The following MAGI2 variants were observed in gnomAD, a reference collection of about 807,000 sequenced individuals.
MAGI2 encodes membrane-associated guanylate kinase, WW and PDZ domain-containing protein 2.
MAGI2 carries 35 observed loss-of-function variants against 133.3 expected under a neutral mutation model. The observed-to-expected ratio is 0.26, with a 90% CI of 0.20 to 0.35. The LOEUF is 0.35. Among genes scored for constraint, MAGI2 ranks in the 10% least tolerant of loss-of-function variants. MAGI2 has a pLI of 1.00. For missense variants in MAGI2, 1,636 were observed against 1,863.4 expected (o/e 0.88, Z 2.25); for synonymous variants, 729 against 710.6 (o/e 1.03, Z -0.41).
At chr7:78,737,726 T>A (rs1236965383) in intron 2 of MAGI2, among the ~76,000 whole-genome samples, 1 of 152,174 alleles carries the variant, frequency 6.6e-6, no homozygotes, top group Non-Finnish European at 1.5e-5. Flanking sequence ...AATATAGTTA[T>A]GTCTCATAAA....
chr7:78,085,533 A>G (rs1200417080), intron 20 of MAGI2, among the ~76,000 whole-genome samples: 1 of 143,338 alleles, frequency 7.0e-6, no homozygotes, highest in Non-Finnish European at 1.5e-5. Context: ...CTAAAACAAA[A>G]CAAAATAATA....
chr7:78,282,498 G>GTGTAGCCCA (rs1424839863), intron 9 of MAGI2, among the ~76,000 whole-genome samples: 2 of 152,014 alleles, frequency 1.3e-5, no homozygotes, highest in Non-Finnish European at 2.9e-5. Flanking sequence ...ATCAGAGACC[G>GTGTAGCCCA]TGTAGCCCAT....
chr7:78,635,979 T>A (rs980219182), intron 2 of MAGI2, among the ~76,000 whole-genome samples: 3 of 152,174 alleles, frequency 2.0e-5, no homozygotes, highest in African/African-American at 7.2e-5. Flanking sequence ...ATCGTTTGGG[T>A]CACTGAATTG....
At chr7:79,397,176 A>G (rs1845121889) in intron 1 of MAGI2, among the ~76,000 whole-genome samples, 1 of 149,144 alleles carries the variant, frequency 6.7e-6, no homozygotes, top group Admixed American at 6.7e-5. Flanking sequence ...TATTATATAT[A>G]TATGTTATTT....
intron 3 of MAGI2, among the ~76,000 whole-genome samples, chr7:78,529,667 GGTTTTT>G (rs1797276717): frequency 1.1e-4 from 6 of 56,316 alleles, no homozygotes; most frequent in African/African-American, 3.2e-4. Flanking sequence ...TAAAGGAGAT[GGTTTTT>G]TTTTTTTTTT....
chr7:78,520,473 A>G (rs925708224), intron 4 of MAGI2, among the ~76,000 whole-genome samples: 1 of 152,144 alleles, frequency 6.6e-6, no homozygotes, highest in Non-Finnish European at 1.5e-5. Flanking sequence ...AATAAGAAAT[A>G]TCTTAAGAAT....
intron 1 of MAGI2, among the ~76,000 whole-genome samples, chr7:79,283,330 A>G (rs1835785589): frequency 6.6e-6 from 1 of 152,160 alleles, no homozygotes; most frequent in East Asian, 1.9e-4. Flanking sequence ...AATTTCTCAA[A>G]CAATAATAAA....
intron 1 of MAGI2, among the ~76,000 whole-genome samples, chr7:79,386,474 C>T (rs1447136201): frequency 6.6e-6 from 1 of 151,862 alleles, no homozygotes; most frequent in Admixed American, 6.6e-5. Context: ...GCTAATGCAA[C>T]AAGAATCATT....
At chr7:78,453,857 G>T (rs2151489722) in intron 6 of MAGI2, among the ~76,000 whole-genome samples, 1 of 152,088 alleles carries the variant, frequency 6.6e-6, no homozygotes, top group Non-Finnish European at 1.5e-5. Flanking sequence ...TATTTTTATA[G>T]ATTTCCTTTG....
intron 21 of MAGI2, among the ~76,000 whole-genome samples, chr7:78,069,541 A>AGAGG (rs1342973852): frequency 2.6e-5 from 1 of 38,944 alleles, no homozygotes; most frequent in Non-Finnish European, 6.2e-5. Flanking sequence ...AAGAGAGAGG[A>AGAGG]GAGAGAGAGA....
At chr7:78,587,008 G>T (rs1468274818) in intron 3 of MAGI2, among the ~76,000 whole-genome samples, 1 of 152,058 alleles carries the variant, frequency 6.6e-6, no homozygotes, top group Non-Finnish European at 1.5e-5. Context: ...TCCACCTTTT[G>T]GCTATTGTAA....
intron 2 of MAGI2, among the ~76,000 whole-genome samples, chr7:78,887,319 G>T (rs1475669908): frequency 6.6e-6 from 1 of 152,060 alleles, no homozygotes; most frequent in African/African-American, 2.4e-5. Context: ...TCATAGTTTA[G>T]GTCAGTTATC....
chr7:78,592,134 G>C (rs1310140478), intron 3 of MAGI2, among the ~76,000 whole-genome samples: 1 of 152,180 alleles, frequency 6.6e-6, no homozygotes, highest in Non-Finnish European at 1.5e-5. Flanking sequence ...CACAAGGAAA[G>C]AAAGTTGCAA....
chr7:78,268,289 T>C (rs1794214998), intron 9 of MAGI2, among the ~76,000 whole-genome samples: 1 of 152,170 alleles, frequency 6.6e-6, no homozygotes, highest in African/African-American at 2.4e-5. Context: ...AAATTTTGGA[T>C]ATTTTAAATT....
chr7:79,309,583 G>A (rs1363118903), intron 1 of MAGI2, among the ~76,000 whole-genome samples: 6 of 151,804 alleles, frequency 4.0e-5, no homozygotes, highest in South Asian at 2.1e-4. Context: ...TCAGAAGAAC[G>A]CTGAACAATC....
chr7:79,006,203 A>T (rs1463735813), intron 2 of MAGI2, among the ~76,000 whole-genome samples: 4 of 151,988 alleles, frequency 2.6e-5, no homozygotes, highest in Non-Finnish European at 5.9e-5. Context: ...TATTTGTTTC[A>T]CTTATACCAG....
At chr7:78,053,051 A>G (rs1035258803) in intron 21 of MAGI2, among the ~76,000 whole-genome samples, 3 of 152,360 alleles carry the variant, frequency 2.0e-5, no homozygotes, top group African/African-American at 7.2e-5. Context: ...AGGTTTCAAA[A>G]TAAAATGGTT....
At chr7:79,206,583 G>A (rs539852548) in intron 1 of MAGI2, among the ~76,000 whole-genome samples, 17 of 151,678 alleles carry the variant, frequency 1.1e-4, no homozygotes, top group African/African-American at 3.6e-4. Flanking sequence ...ATAAAAAATC[G>A]GTTATCAAAG....
intron 1 of MAGI2, among the ~76,000 whole-genome samples, chr7:79,242,836 G>T (rs1832519621): frequency 1.3e-5 from 2 of 152,026 alleles, no homozygotes; most frequent in South Asian, 4.1e-4. Context: ...ATTATTTTTT[G>T]CTAAGCACAA....
Sources: gnomAD v4.1 joint callset for allele counts (sites outside exome capture counted in the v4.1 genomes callset) on GRCh38, gnomAD v4.1.1 for gene constraint, MANE v1.5 for transcripts, NCBI Gene and HGNC (gene_info 2026-07-23, HGNC 2026-07-21) for gene names.